Variants in TDP1 observed in about 807,000 individuals in gnomAD.
TDP1 encodes tyr-DNA phosphodiesterase 1.
Under a neutral mutation model 81.5 loss-of-function variants are expected in TDP1, and 64 were observed. That is an observed-to-expected ratio of 0.79 (90% confidence interval 0.64 to 0.97). The LOEUF (loss-of-function observed/expected upper bound fraction) is 0.97. Ranked by LOEUF, TDP1 falls within the 50% of genes least tolerant of loss-of-function variation. The pLI is 0.00. For missense variants in TDP1, 723 were observed against 743.8 expected (o/e 0.97, Z 0.33); for synonymous variants, 256 against 264.3 (o/e 0.97, Z 0.30).
intron 2 of TDP1, 51 bp from the exon 3 acceptor site, chr14:89,963,057 C>T: frequency 1.2e-6 from 2 of 1,613,516 alleles, no homozygotes; most frequent in South Asian, 1.1e-5. Flanking sequence ...AGTTATTTTG[C>T]CAATGCCCTG....
chr14:89,983,568 G>C (rs925927510), intron 8 of TDP1, among the ~76,000 whole-genome samples: 13 of 152,190 alleles, frequency 8.5e-5, no homozygotes, highest in Non-Finnish European at 1.8e-4. Context: ...GGGAAAAGGA[G>C]AGTAGCCACA....
intron 14 of TDP1, among the ~76,000 whole-genome samples, chr14:90,009,106 A>G (rs560552409): frequency 5.6e-4 from 85 of 152,350 alleles, no homozygotes; most frequent in African/African-American, 2.0e-3. Flanking sequence ...TGTCTTGCTC[A>G]TGATGGATTT....
chr14:89,971,205 T>C lies in TDP1; in HGVS notation c.690T>C (p.Asp230=). The change falls in exon 6 of 17, where the codon GAT becomes GAC. Residue 230 remains aspartate, a synonymous_variant. Coordinates refer to ENST00000335725, the MANE Select transcript of TDP1 (RefSeq NM_018319.4). ...RKKPILLVHG[D]KREAKAHLHA... is the part of the protein sequence containing the mutation. The stretch of plus-strand genomic sequence containing the variant: ...AGCCAATCCTGCTTGTGCATGGTGA[T>C]AAGCGAGAGGCTAAGGCTCACCTCC... The C allele has an allele frequency of 1.2e-6, 2 of 1,614,138 alleles. No individual in the cohort carries two copies. The highest frequency in any genetic ancestry group is 1.7e-6 in the Non-Finnish European group (2 of 1,179,984).
In TDP1 at chr14:90,043,663, A is replaced by G. The variant is rs1888572111; in HGVS notation, c.*520A>G. 1 of 175,856 alleles carries G rather than the reference A, an allele frequency of 5.7e-6. No individual in the cohort carries two copies. The highest frequency in any genetic ancestry group is 1.2e-5 in the Non-Finnish European group (1 of 82,612). 10.9% of individuals were successfully genotyped at this position (175,856 alleles called of 1,614,324 possible). A position where few individuals can be genotyped will look rare whatever the true frequency, so the allele number is the denominator to read the frequency against. On this transcript the variant is annotated 3_prime_UTR_variant, in exon 17 of 17. Coordinates refer to ENST00000335725, the MANE Select transcript of TDP1 (RefSeq NM_018319.4). ...CGTGATTCATCACATGAGTTCAGGC[A>G]TGGAAATTTTCATTTGGAGCATCAT...
intron 14 of TDP1, among the ~76,000 whole-genome samples, chr14:90,003,370 C>A (rs1485093717): frequency 6.6e-6 from 1 of 152,154 alleles, no homozygotes; most frequent in Non-Finnish European, 1.5e-5. Flanking sequence ...TATTAGCTGG[C>A]GATTTCCTCT....
intron 6 of TDP1, 58 bp downstream of exon 6, chr14:89,971,329 A>G: frequency 7.8e-7 from 1 of 1,277,010 alleles, no homozygotes; most frequent in Non-Finnish European, 1.1e-6. Context: ...GGAAACTTAG[A>G]CATTTAGTCC....
intron 14 of TDP1, among the ~76,000 whole-genome samples, chr14:90,018,071 CTT>C (rs77303840): frequency 0.11 from 15,597 of 143,632 alleles, 1,438 homozygotes; most frequent in African/African-American, 0.26. Flanking sequence ...CCTTAACAAA[CTT>C]TTTTTTTTTT....
intron 14 of TDP1, among the ~76,000 whole-genome samples, chr14:90,016,311 G>A (rs141367131): frequency 0.039 from 5,955 of 152,150 alleles, 384 homozygotes; most frequent in African/African-American, 0.13. Flanking sequence ...CCAAAGTGCT[G>A]GGATTACAGG....
At chr14:90,013,434 G>T (rs1252588911) in intron 14 of TDP1, among the ~76,000 whole-genome samples, 2 of 152,076 alleles carry the variant, frequency 1.3e-5, no homozygotes, top group Non-Finnish European at 2.9e-5. Context: ...GAGATCTGAT[G>T]GTTTTATAAA....
chr14:89,978,031 G>C (rs1394056606), intron 7 of TDP1, among the ~76,000 whole-genome samples: 4 of 152,220 alleles, frequency 2.6e-5, no homozygotes, highest in Non-Finnish European at 5.9e-5. Context: ...AGATCCAGGT[G>C]GTGGCCAGTA....
intron 7 of TDP1, among the ~76,000 whole-genome samples, chr14:89,977,727 G>T (rs1894521230): frequency 6.6e-6 from 1 of 152,202 alleles, no homozygotes; most frequent in South Asian, 2.1e-4. Flanking sequence ...ATTAGAAAAG[G>T]AGAATCACCT....
At chr14:89,999,747 C>G (rs899213016) in intron 14 of TDP1, among the ~76,000 whole-genome samples, 1 of 152,106 alleles carries the variant, frequency 6.6e-6, no homozygotes, top group Non-Finnish European at 1.5e-5. Flanking sequence ...GTGCTTTGGC[C>G]AAAAACATTG....
chr14:89,979,604 T>G (rs1894750936), intron 7 of TDP1, among the ~76,000 whole-genome samples: 1 of 152,186 alleles, frequency 6.6e-6, no homozygotes, highest in Non-Finnish European at 1.5e-5. Flanking sequence ...CCACCGTGCC[T>G]GGCAGCAAAA....
chr14:89,955,655 G>C (rs1264767932), upstream of TDP1: 3 of 152,388 alleles, frequency 2.0e-5, no homozygotes, highest in East Asian at 5.8e-4. Context: ...GGGAGCCTGA[G>C]CCATGAGAAT....
intron 2 of TDP1, among the ~76,000 whole-genome samples, chr14:89,960,006 G>A (rs1485641977): frequency 2.0e-5 from 3 of 152,158 alleles, no homozygotes; most frequent in Non-Finnish European, 2.9e-5. Context: ...GAATGGGCAA[G>A]GTATCTATAG....
rs1895170987 is a variant in TDP1 at position 89,983,035 on chromosome 14, C to G, written c.885-1481C>G. 8 of 436,024 alleles carry G rather than the reference C, an allele frequency of 1.8e-5. 1 individual carries two copies. The highest frequency in any genetic ancestry group is 1.3e-4 in the South Asian group (8 of 60,568). 27.0% of individuals were successfully genotyped at this position (436,024 alleles called of 1,614,324 possible). On this transcript the variant is annotated intron_variant, in intron 8 of 16. Coordinates refer to ENST00000335725, the MANE Select transcript of TDP1 (RefSeq NM_018319.4). ...TTATTTGGCTCATTATAATAATTTT[C>G]TCATTTTGTGATGTGTTAAAAATGC...
intron 8 of TDP1, chr14:89,983,976 G>C (rs1290578822): frequency 4.2e-6 from 1 of 239,768 alleles, no homozygotes; most frequent in African/African-American, 2.3e-5. Context: ...GCTGCTATAG[G>C]ACCTACGTTA....
chr14:89,969,855 C>G (rs1893389136), intron 5 of TDP1, among the ~76,000 whole-genome samples: 1 of 147,234 alleles, frequency 6.8e-6, no homozygotes, highest in Non-Finnish European at 1.5e-5. Flanking sequence ...GTTGGGAGAG[C>G]TTGTAGAAAT....
intron 3 of TDP1, chr14:89,964,834 TCTC>T (rs1892751904): frequency 2.3e-6 from 1 of 441,646 alleles, no homozygotes; most frequent in Non-Finnish European, 4.5e-6. Context: ...ACATATATTT[TCTC>T]CTTTAATCCT....
Sources: allele counts gnomAD v4.1 joint callset (sites outside exome capture counted in the v4.1 genomes callset), GRCh38; gene constraint gnomAD v4.1.1; transcripts MANE v1.5; gene names NCBI Gene and HGNC (gene_info 2026-07-23, HGNC 2026-07-21).